Variants in ANO1 observed in about 807,000 individuals in gnomAD.
The protein encoded by ANO1 is anoctamin 1, also known as anoctamin-1.
Under a neutral mutation model 124.0 loss-of-function variants are expected in ANO1, and 59 were observed. The observed-to-expected ratio is 0.48, with a 90% confidence interval of 0.39 to 0.59. The LOEUF (loss-of-function observed/expected upper bound fraction) is 0.59. ANO1 is among the 20% of genes least tolerant of loss of function. The pLI, the probability that ANO1 is intolerant of heterozygous loss-of-function variation, is 0.00. For missense variants in ANO1, 1,059 were observed against 1,328.0 expected (o/e 0.80, Z 3.15); for synonymous variants, 529 against 532.0 (o/e 0.99, Z 0.08).
intron 1 of ANO1, among the ~76,000 whole-genome samples, chr11:70,061,059 T>G (rs1857562554): frequency 6.6e-6 from 1 of 151,560 alleles, no homozygotes; most frequent in South Asian, 2.1e-4. Context: ...ACTAAAGAAG[T>G]TGTTGTTTGG....
At chr11:70,094,230 C>T (rs1329571295) in intron 2 of ANO1, among the ~76,000 whole-genome samples, 1 of 152,216 alleles carries the variant, frequency 6.6e-6, no homozygotes, top group Non-Finnish European at 1.5e-5. Context: ...CATGTGGAGA[C>T]CCCGCCCCTG....
At chr11:70,120,492 T>C (rs1048593417) in intron 8 of ANO1, among the ~76,000 whole-genome samples, 1 of 152,114 alleles carries the variant, frequency 6.6e-6, no homozygotes, top group African/African-American at 2.4e-5. Flanking sequence ...TGTGGGGGAT[T>C]GATTCCAGGT....
chr11:69,987,791 C>A (rs1398885503), intron 1 of ANO1, among the ~76,000 whole-genome samples: 1 of 152,066 alleles, frequency 6.6e-6, no homozygotes, highest in Non-Finnish European at 1.5e-5. Flanking sequence ...GTGCTTTGGT[C>A]TTTATAGGCT....
chr11:70,141,885 T>G (rs2047166563), intron 11 of ANO1, among the ~76,000 whole-genome samples: 1 of 152,198 alleles, frequency 6.6e-6, no homozygotes, highest in Non-Finnish European at 1.5e-5. Flanking sequence ...AACCTGTTAC[T>G]GCCTGGCAGC....
chr11:70,062,422 A>T (rs1857608622), intron 1 of ANO1, among the ~76,000 whole-genome samples: 1 of 152,148 alleles, frequency 6.6e-6, no homozygotes, highest in Admixed American at 6.5e-5. Flanking sequence ...CTCCAAATAT[A>T]GGGACACATT....
chr11:70,169,297 C>A (rs1167202317), intron 21 of ANO1, among the ~76,000 whole-genome samples: 2 of 152,252 alleles, frequency 1.3e-5, no homozygotes, highest in East Asian at 3.9e-4. Flanking sequence ...CACCCGTTCC[C>A]CACACTGCCC....
intron 1 of ANO1, chr11:70,085,360 T>C (rs992637780): frequency 7.3e-6 from 10 of 1,375,378 alleles, no homozygotes; most frequent in Non-Finnish European, 9.5e-6. Context: ...ATGGGCGTGG[T>C]CGTGGCCCCT....
At chr11:70,012,215 C>T (rs112384210) in intron 1 of ANO1, among the ~76,000 whole-genome samples, 7,148 of 148,290 alleles carry the variant, frequency 0.048, 560 homozygotes, top group African/African-American at 0.16. Context: ...TTCATCCATC[C>T]AGCAATCTAT....
intron 2 of ANO1, among the ~76,000 whole-genome samples, chr11:70,102,120 G>T (rs2045302338): frequency 6.6e-6 from 1 of 152,208 alleles, no homozygotes; most frequent in Non-Finnish European, 1.5e-5. Flanking sequence ...AGGGGAGAGG[G>T]AAAGCTAGAG....
chr11:70,108,429 A>G (rs1308607079), intron 6 of ANO1, 25 bp downstream of exon 6: 20 of 1,608,762 alleles, frequency 1.2e-5, no homozygotes, highest in Non-Finnish European at 1.7e-5. Context: ...GGGGCTTGAG[A>G]TCAGCATTGG....
Position 70,132,027 on chromosome 11 carries a change from C to T in ANO1, c.1206C>T (p.His402=). 6.2e-7 allele frequency: 1 copy of T among 1,605,206 alleles called. No individual in the cohort carries two copies. The highest frequency in any genetic ancestry group is 8.5e-7 in the Non-Finnish European group (1 of 1,177,808). The change falls in exon 11 of 26, where the codon CAC becomes CAT. Residue 402 remains histidine (H), a synonymous_variant. Coordinates refer to ENST00000355303, the MANE Select transcript of ANO1 (RefSeq NM_018043.7). The part of the protein sequence containing the change: ...SSACATARAS[H]LFDNPATVFF... ...CCTGCGCCACGGCCCGCGCCAGCCACCTCTTCGACAACCCCGCCACGGTCT... is the reference window on the plus strand; with the variant it reads ...CCTGCGCCACGGCCCGCGCCAGCCATCTCTTCGACAACCCCGCCACGGTCT...
At chr11:70,185,361 C>T (rs748089978) in intron 24 of ANO1, among the ~76,000 whole-genome samples, 11 of 152,210 alleles carry the variant, frequency 7.2e-5, no homozygotes, top group Non-Finnish European at 1.0e-4. Flanking sequence ...ACATGAAGCC[C>T]GTCAGGTCCT....
intron 22 of ANO1, among the ~76,000 whole-genome samples, chr11:70,177,787 C>G (rs2048781569): frequency 6.6e-6 from 1 of 151,844 alleles, no homozygotes; most frequent in African/African-American, 2.4e-5. Flanking sequence ...TTTAATAGAG[C>G]GGGGCTTCGC....
intron 1 of ANO1, among the ~76,000 whole-genome samples, chr11:69,995,321 A>G (rs1490066866): frequency 1.3e-5 from 2 of 150,318 alleles, no homozygotes; most frequent in African/African-American, 4.9e-5. Flanking sequence ...CTGGTCTTGA[A>G]CTCCTGACCT....
chr11:70,007,243 T>A (rs914712343), intron 1 of ANO1, among the ~76,000 whole-genome samples: 4 of 151,284 alleles, frequency 2.6e-5, no homozygotes, highest in African/African-American at 9.7e-5. Context: ...TTCATTCAAC[T>A]GGTAGCATAT....
chr11:70,095,404 AAG>A (rs1325866193), intron 2 of ANO1, among the ~76,000 whole-genome samples: 4 of 43,726 alleles, frequency 9.1e-5, no homozygotes, highest in African/African-American at 1.5e-4. Flanking sequence ...GAAAGAAAGA[AAG>A]AAAGAAAGAA....
intron 16 of ANO1, among the ~76,000 whole-genome samples, chr11:70,157,463 A>G (rs1424546071): frequency 6.6e-6 from 1 of 151,122 alleles, no homozygotes; most frequent in Non-Finnish European, 1.5e-5. Flanking sequence ...CGCCGGCCCC[A>G]TCTCCTCAGG....
chr11:70,103,228 C>A, intron 3 of ANO1, 64 bp downstream of exon 3: 1 of 1,328,982 alleles, frequency 7.5e-7, no homozygotes, highest in Non-Finnish European at 1.0e-6. Context: ...GGACGCCTGG[C>A]AGTGAAACAT....
At chr11:70,011,881 GCCACCAAT>G (rs1856603812) in intron 1 of ANO1, among the ~76,000 whole-genome samples, 1 of 152,148 alleles carries the variant, frequency 6.6e-6, no homozygotes, top group African/African-American at 2.4e-5. Flanking sequence ...AGAATTGATA[GCCACCAAT>G]CCAGCCATTT....
Sources: allele counts gnomAD v4.1 joint callset (sites outside exome capture counted in the v4.1 genomes callset), GRCh38; gene constraint gnomAD v4.1.1; transcripts MANE v1.5; gene names NCBI Gene and HGNC (gene_info 2026-07-23, HGNC 2026-07-21).